Variants in ANK2 observed in about 807,000 individuals in gnomAD.
ANK2 encodes the protein ankyrin-2.
A neutral mutation model predicts 360.5 loss-of-function variants in ANK2; 83 were observed. That is an observed-to-expected ratio of 0.23 (90% CI 0.19 to 0.28). The LOEUF is 0.28. ANK2 is among the 10% of genes least tolerant of loss of function. ANK2 has a pLI of 1.00. For missense variants in ANK2, 4,201 were observed against 4,795.7 expected (o/e 0.88, Z 3.66); for synonymous variants, 1,740 against 1,759.5 (o/e 0.99, Z 0.28).
chr4:113,355,260 G>T lies in ANK2; in HGVS notation c.6642G>T (p.Pro2214=). 1 of 1,614,052 alleles carries T rather than the reference G, an allele frequency of 6.2e-7. No homozygotes were observed. The highest frequency in any genetic ancestry group is 8.5e-7 in the Non-Finnish European group (1 of 1,179,954). ...AGAATGAGGGGGTAGCCGGCTCTCC[G>T]TGTGGCAGCCTGATGGAGGGGACCC... ...SLKNEGVAGS[P]CGSLMEGTPQ... Residue 2214 remains proline (P), a synonymous_variant, in exon 38 of 46, where the codon CCG becomes CCT. Coordinates refer to ENST00000357077, the MANE Select transcript of ANK2 (RefSeq NM_001148.6).
At chr4:112,833,364 T>A (rs1219503504) in intron 1 of ANK2, among the ~76,000 whole-genome samples, 1 of 152,166 alleles carries the variant, frequency 6.6e-6, no homozygotes, top group Admixed American at 6.5e-5. Flanking sequence ...TCAGGGCAAT[T>A]TTTGCAAGAT....
At chr4:112,747,863 T>A in the ANK2 span, among the ~76,000 whole-genome samples, 1 of 152,228 alleles carries the variant, frequency 6.6e-6, no homozygotes, top group East Asian at 1.9e-4. Flanking sequence ...TCTGAATATG[T>A]GATAACTGCT....
At chr4:112,921,671 T>TA (rs1411820952) in intron 2 of ANK2, among the ~76,000 whole-genome samples, 1 of 150,344 alleles carries the variant, frequency 6.7e-6, no homozygotes, top group Non-Finnish European at 1.5e-5. Context: ...AGGGAGAATT[T>TA]AAAATACCAT....
the ANK2 span, among the ~76,000 whole-genome samples, chr4:112,776,261 A>G: frequency 6.6e-6 from 1 of 152,366 alleles, no homozygotes; most frequent in East Asian, 1.9e-4. Context: ...TAAGCTTTAC[A>G]TGACATGAGA....
chr4:113,199,857 C>T (rs2098804891), intron 4 of ANK2, among the ~76,000 whole-genome samples: 1 of 152,148 alleles, frequency 6.6e-6, no homozygotes, highest in South Asian at 2.1e-4. Flanking sequence ...TAAGCCAGCT[C>T]TGTTCCATCT....
the ANK2 span, among the ~76,000 whole-genome samples, chr4:112,717,102 T>G: frequency 2.6e-5 from 4 of 152,234 alleles, no homozygotes; most frequent in Non-Finnish European, 5.9e-5. Flanking sequence ...ATACAAGTTA[T>G]TTATCGTAAC....
chr4:112,872,772 T>G (rs2073678589), intron 1 of ANK2, among the ~76,000 whole-genome samples: 1 of 152,220 alleles, frequency 6.6e-6, no homozygotes, highest in Non-Finnish European at 1.5e-5. Context: ...TTGGGAGAGT[T>G]TCTCAAGAAT....
At position 113,356,397 on chromosome 4, in the gene ANK2, C is replaced by G; in HGVS notation, c.7779C>G (p.Thr2593=). 6.2e-7 allele frequency: 1 copy of G among 1,614,042 alleles called. No individual in the cohort carries two copies. The highest frequency in any genetic ancestry group is 1.3e-5 in the African/African-American group (1 of 75,000). ...AAGAGGAGATGTTTAAAATGGTAACCAAAATCAAAATGTTTGATGAACTTG... is the reference window on the plus strand; with the variant it reads ...AAGAGGAGATGTTTAAAATGGTAACGAAAATCAAAATGTTTGATGAACTTG... ...TPEEEMFKMV[T]KIKMFDELEQ... The change falls in exon 38 of 46, where the codon ACC becomes ACG. Residue 2593 remains threonine, a synonymous_variant. Transcript: ENST00000357077.
At chr4:113,254,586 C>T (rs1050920459) in intron 10 of ANK2, among the ~76,000 whole-genome samples, 1 of 152,134 alleles carries the variant, frequency 6.6e-6, no homozygotes, top group Admixed American at 6.5e-5. Context: ...GTTTTCTAAA[C>T]TTATTTAATG....
chr4:113,336,764 TA>T lies in ANK2; in HGVS notation c.3780del (p.Leu1260PhefsTer5). 1 of 1,614,126 alleles carries T rather than the reference TA, an allele frequency of 6.2e-7. No homozygotes were observed. Among genetic ancestry groups the T allele is most frequent in the Non-Finnish European group, 8.5e-7 (1 of 1,179,996 alleles). On this transcript the variant is annotated frameshift_variant, in exon 31 of 46. Transcript: ENST00000357077. LOFTEE classifies it high-confidence loss of function. ...GGGGGAGATGCACCAACCTTAAGAT[TA>T]CTATGCAGCATAACAGGTGAGTCAC... ...GFGGDAPTLR[L>X]LCSITGGTTP...
intron 2 of ANK2, chr4:113,031,249 T>C (rs533100061): frequency 7.9e-5 from 12 of 152,182 alleles, no homozygotes; most frequent in Non-Finnish European, 1.3e-4. Context: ...CCTATTAAGA[T>C]GCATTAGAAA....
chr4:113,040,474 A>C (rs114079888), intron 2 of ANK2, among the ~76,000 whole-genome samples: 1 of 152,012 alleles, frequency 6.6e-6, no homozygotes, highest in Non-Finnish European at 1.5e-5. Context: ...GCAGGTCCCT[A>C]AACAATTGCT....
chr4:113,380,574 A>G (rs925168897), intron 45 of ANK2, among the ~76,000 whole-genome samples: 1 of 152,228 alleles, frequency 6.6e-6, no homozygotes, highest in Non-Finnish European at 1.5e-5. Context: ...AGGCCAGAGA[A>G]TCGCTTGAAC....
chr4:112,939,304 C>A (rs538175340), intron 2 of ANK2, among the ~76,000 whole-genome samples: 1 of 151,948 alleles, frequency 6.6e-6, no homozygotes, highest in African/African-American at 2.4e-5. Flanking sequence ...TTCTTTCTTT[C>A]TTTATTTTTA....
At chr4:112,786,099 C>T in the ANK2 span, among the ~76,000 whole-genome samples, 1 of 152,104 alleles carries the variant, frequency 6.6e-6, no homozygotes, top group African/African-American at 2.4e-5. Flanking sequence ...ACCTCAGCCT[C>T]CTAAATTGCT....
intron 2 of ANK2, among the ~76,000 whole-genome samples, chr4:112,916,118 G>C (rs2089742351): frequency 6.6e-6 from 1 of 152,120 alleles, no homozygotes; most frequent in Non-Finnish European, 1.5e-5. Flanking sequence ...TTGTTTTATA[G>C]CTTAAACAGG....
Position 112,867,837 on chromosome 4 carries a change from A to G in ANK2, c.-39-36618A>G, listed in dbSNP as rs549568178. The stretch of plus-strand genomic sequence containing the variant: ...TTTGGATTGTTCCCACTTTTTGACT[A>G]TTATGAAGAATGTTACTATAAATAT... On this transcript the variant is annotated intron_variant, in intron 1 of 30. Transcript: ENST00000503271. Among the ~76,000 whole-genome samples, 7 of 152,268 alleles carry G rather than the reference A, an allele frequency of 4.6e-5. No homozygotes were observed. In the East Asian group the frequency reaches 7.7e-4, roughly 17 times the overall value.
chr4:113,373,026 T>C (rs1433294443), intron 43 of ANK2, 64 bp from the exon 44 acceptor site: 2 of 1,297,380 alleles, frequency 1.5e-6, no homozygotes, highest in East Asian at 4.6e-5. Context: ...TTATAAGCAC[T>C]TGGGAGTAGT....
rs568993420 is a variant in ANK2, at chr4:113,172,256, A to G, written c.85-2160A>G. Among the ~76,000 whole-genome samples the G allele has an allele frequency of 7.9e-5, 12 of 152,312 alleles. No homozygotes were observed. In the South Asian group the frequency reaches 1.7e-3, roughly 21 times the overall value. On this transcript the variant is annotated intron_variant, in intron 1 of 45. Coordinates refer to ENST00000357077, the MANE Select transcript of ANK2 (RefSeq NM_001148.6). ...TTATTTAGCAAGTGCCATGATTTAC[A>G]GAGTAAATATGTAGACCAAAGGCAT... is the stretch of plus-strand genomic sequence containing the variant.
Sources: allele counts gnomAD v4.1 joint callset (sites outside exome capture counted in the v4.1 genomes callset), GRCh38; gene constraint gnomAD v4.1.1; transcripts MANE v1.5; gene names NCBI Gene and HGNC (gene_info 2026-07-23, HGNC 2026-07-21).